SPRY3: variants seen among roughly 807,000 people sequenced by gnomAD.
SPRY3 encodes the protein protein sprouty homolog 3.
In SPRY3, 15 loss-of-function variants were observed where a neutral mutation model predicts 20.2. That is an observed-to-expected ratio of 0.74 (90% CI 0.50 to 1.14). The LOEUF is 1.14. Ranked by LOEUF, SPRY3 falls within the 50% of genes most tolerant of loss-of-function variation. SPRY3 has a pLI of 0.00. For synonymous variants in SPRY3, 143 were observed against 136.5 expected (o/e 1.05, Z -0.33); for missense variants, 364 against 363.9 (o/e 1.00, Z 0.00).
At chrX:155,641,552 G>A (rs1192912656) in intron 1 of SPRY3, among the ~76,000 whole-genome samples, 1 of 115,090 alleles carries the variant, frequency 8.7e-6, no homozygotes, top group Non-Finnish European at 1.9e-5. Context: ...GTCCTGGGCC[G>A]GTAGCCAGTG....
chrX:155,628,546 AC>A (rs1415024762), intron 1 of SPRY3, among the ~76,000 whole-genome samples: 1 of 112,477 alleles, frequency 8.9e-6, no homozygotes, highest in African/African-American at 3.2e-5. Context: ...GGAGATATTT[AC>A]GTGGCCAACA....
chrX:155,738,925 C>T (rs193293238), intron 2 of SPRY3, among the ~76,000 whole-genome samples: 1 of 152,228 alleles, frequency 6.6e-6, no homozygotes, highest in Non-Finnish European at 1.5e-5. Flanking sequence ...TGGCATTGTT[C>T]TGTGGGCCCC....
At chrX:155,648,495 C>T (rs782021205) in intron 1 of SPRY3, among the ~76,000 whole-genome samples, 2 of 112,386 alleles carry the variant, frequency 1.8e-5, no homozygotes, top group African/African-American at 6.5e-5. Context: ...AGGAAGGGGT[C>T]CAGTTTCAGT....
intron 2 of SPRY3, among the ~76,000 whole-genome samples, chrX:155,708,740 C>T (rs2090968026): frequency 6.6e-6 from 1 of 151,438 alleles, no homozygotes. Flanking sequence ...CTTTGTGTTA[C>T]AAACAATCTA....
At chrX:155,646,057 C>G (rs1055614275) in intron 1 of SPRY3, among the ~76,000 whole-genome samples, 2 of 111,990 alleles carry the variant, frequency 1.8e-5, no homozygotes, top group Admixed American at 1.9e-4. Flanking sequence ...ACTATTCTTC[C>G]CTTATTAGGT....
chrX:155,726,027 C>T (rs1431707571), intron 2 of SPRY3, among the ~76,000 whole-genome samples: 1 of 152,122 alleles, frequency 6.6e-6, no homozygotes, highest in Non-Finnish European at 1.5e-5. Flanking sequence ...TGTCTTTGAT[C>T]TCATTGATTT....
chrX:155,744,854 T>C (rs1350841406), intron 2 of SPRY3, among the ~76,000 whole-genome samples: 1 of 152,018 alleles, frequency 6.6e-6, no homozygotes, highest in African/African-American at 2.4e-5. Context: ...GCTTAGATTT[T>C]TCATGCTCCC....
chrX:155,727,369 G>T (rs949365419), intron 2 of SPRY3, among the ~76,000 whole-genome samples: 1 of 152,134 alleles, frequency 6.6e-6, no homozygotes, highest in Non-Finnish European at 1.5e-5. Context: ...GGTTGGGGAA[G>T]TTCTCCTGGA....
At chrX:155,759,622 TC>T (rs1469597283) in intron 2 of SPRY3, among the ~76,000 whole-genome samples, 1 of 152,176 alleles carries the variant, frequency 6.6e-6, no homozygotes, top group Non-Finnish European at 1.5e-5. Context: ...TACAAAGCTG[TC>T]CCTCAATATA....
At position 155,773,979 on chromosome X, in the gene SPRY3, A is replaced by G. The variant is rs184115031; in HGVS notation, c.108A>G (p.Lys36=). Residue 36 remains lysine (K), a synonymous_variant, in exon 4 of 4, where the codon AAA becomes AAG. Transcript: ENST00000675360. ...TGGAACGGCCTCCAGCCCCCTGTAA[A>G]CAGGCCCTCTCCAGCCCTTCCCTTA... 538 of 1,613,942 alleles carry G rather than the reference A, an allele frequency of 3.3e-4. 4 individuals carry two copies. The East Asian group carries it at 0.011, about 32-fold the overall frequency.
At chrX:155,728,715 T>C (rs2091115282) in intron 2 of SPRY3, among the ~76,000 whole-genome samples, 2 of 152,146 alleles carry the variant, frequency 1.3e-5, no homozygotes, top group African/African-American at 4.8e-5. Flanking sequence ...GTACAGTCTG[T>C]CATGGCTTCC....
intron 1 of SPRY3, among the ~76,000 whole-genome samples, chrX:155,629,061 C>T (rs782765884): frequency 9.1e-6 from 1 of 109,468 alleles, no homozygotes; most frequent in Non-Finnish European, 1.9e-5. Flanking sequence ...TACATGTGCA[C>T]AATGTGCAGG....
chrX:155,770,430 A>G (rs1443119204), intron 3 of SPRY3, among the ~76,000 whole-genome samples: 12 of 152,170 alleles, frequency 7.9e-5, no homozygotes, highest in Non-Finnish European at 1.0e-4. Flanking sequence ...CAGGTTGAAC[A>G]TGGCAAATTC....
chrX:155,704,933 G>A (rs1405569746), intron 2 of SPRY3, among the ~76,000 whole-genome samples: 3 of 151,390 alleles, frequency 2.0e-5, no homozygotes, highest in South Asian at 2.1e-4. Context: ...TTAAAATGAA[G>A]GTGAAATAAA....
intron 1 of SPRY3, among the ~76,000 whole-genome samples, chrX:155,642,970 C>T (rs1454873057): frequency 9.0e-6 from 1 of 111,710 alleles, no homozygotes; most frequent in Admixed American, 9.5e-5. Flanking sequence ...ATGAAATGTT[C>T]TGTACAAATC....
chrX:155,621,926 C>T (rs1215110830), intron 1 of SPRY3, among the ~76,000 whole-genome samples: 5 of 111,757 alleles, frequency 4.5e-5, no homozygotes, highest in African/African-American at 1.6e-4. Context: ...CATGGGTTCC[C>T]TGCCCTGCTT....
intron 1 of SPRY3, among the ~76,000 whole-genome samples, chrX:155,655,705 T>C (rs1201500695): frequency 2.7e-5 from 3 of 111,503 alleles, no homozygotes; most frequent in Admixed American, 9.6e-5. Context: ...GTGTCCATTT[T>C]TATACCACTA....
At chrX:155,703,827 G>T (rs150801984) in intron 2 of SPRY3, among the ~76,000 whole-genome samples, 3 of 148,826 alleles carry the variant, frequency 2.0e-5, no homozygotes, top group South Asian at 4.3e-4. Context: ...CTTTGTTCTC[G>T]TTGGGGAAAC....
chrX:155,742,266 A>G (rs2091207571), intron 2 of SPRY3, among the ~76,000 whole-genome samples: 1 of 152,192 alleles, frequency 6.6e-6, no homozygotes, highest in South Asian at 2.1e-4. Flanking sequence ...ATAATGGTAA[A>G]GAGTTCAATT....
Sources: allele counts gnomAD v4.1 joint callset (sites outside exome capture counted in the v4.1 genomes callset), GRCh38; gene constraint gnomAD v4.1.1; transcripts MANE v1.5; gene names NCBI Gene and HGNC (gene_info 2026-07-23, HGNC 2026-07-21).